The following WNK1 variants were observed in gnomAD, a reference collection of about 807,000 sequenced individuals.
WNK1 encodes WNK lysine deficient protein kinase 1.
In WNK1, 38 loss-of-function variants were observed where a neutral mutation model predicts 222.8. The observed-to-expected ratio is 0.17, with a 90% confidence interval of 0.13 to 0.22. The LOEUF is 0.22. Ranked by LOEUF, WNK1 falls within the 10% of genes least tolerant of loss-of-function variation. The probability of loss-of-function intolerance (pLI) is 1.00; values close to 1 mark genes in which losing one functional copy is unlikely to be tolerated. For synonymous variants in WNK1, 1,090 were observed against 1,092.9 expected, an observed-to-expected ratio of 1.00 and a Z score of 0.05; for missense variants, 2,348 against 2,918.4, an observed-to-expected ratio of 0.80 and a Z score of 4.50.
At chr12:831,065 T>A (rs1289985517) in intron 4 of WNK1, among the ~76,000 whole-genome samples, 1 of 152,236 alleles carries the variant, frequency 6.6e-6, no homozygotes, top group Non-Finnish European at 1.5e-5. Flanking sequence ...TAGTTTATTC[T>A]TCTATATTTC....
chr12:787,820 G>GTT (rs1156289759), intron 1 of WNK1, among the ~76,000 whole-genome samples: 1 of 152,072 alleles, frequency 6.6e-6, no homozygotes, highest in African/African-American at 2.4e-5. Context: ...TGGATATGTG[G>GTT]ATGCTTTACA....
At chr12:844,079 A>G (rs1949832070) in intron 4 of WNK1, among the ~76,000 whole-genome samples, 2 of 152,174 alleles carry the variant, frequency 1.3e-5, no homozygotes, top group African/African-American at 2.4e-5. Flanking sequence ...TTTATATGCA[A>G]TTTTGCATTT....
intron 1 of WNK1, among the ~76,000 whole-genome samples, chr12:785,259 C>G (rs546523939): frequency 7.2e-4 from 109 of 152,208 alleles, no homozygotes; most frequent in Middle Eastern, 6.8e-3. Context: ...TCTGGAAACT[C>G]ACTGGCCATC....
intron 1 of WNK1, among the ~76,000 whole-genome samples, chr12:757,928 G>C (rs755396540): frequency 6.9e-6 from 1 of 144,896 alleles, no homozygotes; most frequent in Non-Finnish European, 1.5e-5. Context: ...CCAGCTACTC[G>C]AGAGGCTGAG....
At chr12:812,556 A>G (rs1189589360) in intron 1 of WNK1, among the ~76,000 whole-genome samples, 1 of 152,200 alleles carries the variant, frequency 6.6e-6, no homozygotes, top group Non-Finnish European at 1.5e-5. Flanking sequence ...TTTTAATGCT[A>G]TTGGGCAGAG....
At position 813,011 on chromosome 12, in the gene WNK1, TAGG is replaced by T. The variant is rs201809637; in HGVS notation, c.760-626_760-624del. On this transcript the variant is annotated intron_variant, in intron 1 of 27. Transcript: ENST00000315939. ...AATCCCAGGCTTTGGGATGCCAAAG[TAGG>T]AGGATCACCAGAAGTTCAAGACCAG... Among the ~76,000 whole-genome samples, 1,501 of 152,102 alleles carry T rather than the reference TAGG, an allele frequency of 9.9e-3. 27 individuals are homozygous for T. The highest frequency in any genetic ancestry group is 0.034 in the African/African-American group (1,416 of 41,474).
At chr12:852,698 A>G (rs1006857716) in intron 4 of WNK1, among the ~76,000 whole-genome samples, 1 of 152,188 alleles carries the variant, frequency 6.6e-6, no homozygotes, top group Admixed American at 6.5e-5. Context: ...GTGTTTAAGA[A>G]TAATCTAGTT....
At chr12:782,946 G>A (rs1001187963) in intron 1 of WNK1, among the ~76,000 whole-genome samples, 21 of 151,720 alleles carry the variant, frequency 1.4e-4, no homozygotes, top group African/African-American at 3.4e-4. Context: ...CACCCAGGCT[G>A]GAGTGCAGTG....
In WNK1 at chr12:879,697, C is replaced by G; in HGVS notation, c.2498C>G (p.Thr833Ser). 6.2e-7 allele frequency: 1 copy of G among 1,613,952 alleles called. No homozygotes were observed. ...HFLPVGQPLP[T>S]PLLPQYPVSQ... is the part of the protein sequence containing the mutation. Reference sequence around the variant, plus strand: ...CTTCCAGTGGGACAGCCGCTCCCTACTCCCTTGCTCCCTCAGTACCCTGTC... The same window carrying G: ...CTTCCAGTGGGACAGCCGCTCCCTAGTCCCTTGCTCCCTCAGTACCCTGTC... The change falls in exon 11 of 28, where the codon ACT becomes AGT. Residue 833 changes from threonine (T) to serine (S), a missense_variant. Thr to Ser is a moderately conservative substitution (Grantham distance 58). This residue lies in a region of WNK1 where 547 missense variants were observed against 558.3 expected (regional missense o/e 0.98). Coordinates refer to ENST00000315939, the MANE Select transcript of WNK1 (RefSeq NM_018979.4).
At chr12:811,848 A>T (rs910876837) in intron 1 of WNK1, among the ~76,000 whole-genome samples, 1 of 152,210 alleles carries the variant, frequency 6.6e-6, no homozygotes, top group Non-Finnish European at 1.5e-5. Context: ...TCTAACTTCA[A>T]ACATTAAGCA....
At chr12:874,388 C>T (rs1952433392) in intron 9 of WNK1, among the ~76,000 whole-genome samples, 1 of 152,152 alleles carries the variant, frequency 6.6e-6, no homozygotes, top group Non-Finnish European at 1.5e-5. Flanking sequence ...TAAGATGTAA[C>T]ATTAACCGTT....
At chr12:880,295 C>T (rs981692529) in intron 11 of WNK1, among the ~76,000 whole-genome samples, 1 of 152,172 alleles carries the variant, frequency 6.6e-6, no homozygotes, top group Non-Finnish European at 1.5e-5. Context: ...GTTAATAGTA[C>T]ACCTGGCAAC....
chr12:892,319 C>T (rs1954326879), intron 22 of WNK1, among the ~76,000 whole-genome samples: 1 of 151,936 alleles, frequency 6.6e-6, no homozygotes, highest in South Asian at 2.1e-4. Flanking sequence ...GCTTTCTAGA[C>T]CATATAGTCT....
intron 4 of WNK1, among the ~76,000 whole-genome samples, chr12:834,787 G>T (rs11064560): frequency 0.64 from 96,615 of 151,618 alleles, 31,654 homozygotes; most frequent in East Asian, 0.87. Context: ...TTCTTGGGGG[G>T]GTGTGTAGAA....
intron 5 of WNK1, among the ~76,000 whole-genome samples, chr12:858,881 A>G (rs1950984442): frequency 6.6e-6 from 1 of 152,156 alleles, no homozygotes; most frequent in Non-Finnish European, 1.5e-5. Context: ...TAATAGAGCC[A>G]ATTGTGTTAG....
At chr12:825,603 G>A (rs575827125) in intron 2 of WNK1, among the ~76,000 whole-genome samples, 1 of 152,178 alleles carries the variant, frequency 6.6e-6, no homozygotes, top group African/African-American at 2.4e-5. Flanking sequence ...AGTAATTATA[G>A]TACCTATTCA....
At chr12:872,539 TAA>T (rs1952245184) in intron 9 of WNK1, among the ~76,000 whole-genome samples, 1 of 152,228 alleles carries the variant, frequency 6.6e-6, no homozygotes, top group Non-Finnish European at 1.5e-5. Flanking sequence ...CTGGTAATTC[TAA>T]AATTAAATAT....
At chr12:904,537 C>T in intron 26 of WNK1, 1 of 1,271,178 alleles carries the variant, frequency 7.9e-7, no homozygotes, top group Non-Finnish European at 1.0e-6. Flanking sequence ...ATTGCAAAGC[C>T]TGTTAACCAT....
intron 8 of WNK1, chr12:868,407 C>A: frequency 6.2e-7 from 1 of 1,613,968 alleles, no homozygotes; most frequent in Non-Finnish European, 8.5e-7. Context: ...GGCCCTACTT[C>A]AAGTTCTGTC....
Sources: allele counts gnomAD v4.1 joint callset (sites outside exome capture counted in the v4.1 genomes callset), GRCh38; gene constraint gnomAD v4.1.1; regional missense constraint gnomAD v4.1.1; transcripts MANE v1.5; gene names NCBI Gene and HGNC (gene_info 2026-07-23, HGNC 2026-07-21).